Variants in CYRIA observed in about 807,000 individuals in gnomAD.
The protein encoded by CYRIA is CYFIP-related Rac1 interactor A.
In CYRIA, 15 loss-of-function variants were observed where a neutral mutation model predicts 43.9. That is an observed-to-expected ratio of 0.34 (90% confidence interval 0.23 to 0.53). The LOEUF (loss-of-function observed/expected upper bound fraction) is 0.53, where lower values mean the gene tolerates loss of function less well. Among genes scored for constraint, CYRIA ranks in the 20% least tolerant of loss-of-function variants. The pLI is 0.94. For synonymous variants in CYRIA, 117 were observed against 136.0 expected, an observed-to-expected ratio of 0.86 and a Z score of 0.97; for missense variants, 236 against 394.2, an observed-to-expected ratio of 0.60 and a Z score of 3.40.
At chr2:16,591,001 G>C (rs74370919) in intron 2 of CYRIA, among the ~76,000 whole-genome samples, 3,892 of 152,106 alleles carry the variant, frequency 0.026, 189 homozygotes, top group African/African-American at 0.089. Flanking sequence ...ATTGGACCCA[G>C]AGTTTCACTT....
At chr2:16,572,688 A>ATTTGATTTGATTTGATT (rs1667179499) in intron 3 of CYRIA, among the ~76,000 whole-genome samples, 1 of 152,196 alleles carries the variant, frequency 6.6e-6, no homozygotes, top group Admixed American at 6.5e-5. Context: ...TAAGAGTACA[A>ATTTGATTTGATTTGATT]TGATTTGAAG....
At chr2:16,579,398 T>A (rs1305965887) in intron 3 of CYRIA, among the ~76,000 whole-genome samples, 1 of 148,488 alleles carries the variant, frequency 6.7e-6, no homozygotes, top group Non-Finnish European at 1.5e-5. Flanking sequence ...TATGAAGGCC[T>A]TATTAAAATC....
In CYRIA at chr2:16,549,695, G is replaced by A. The variant is rs184335153; in HGVS notation, c.*3241C>T. On this transcript the variant is annotated 3_prime_UTR_variant, in exon 12 of 12. Coordinates refer to ENST00000381323, the MANE Select transcript of CYRIA (RefSeq NM_030797.4). ...TATTACTAACATTTAAAAAATATTT[G>A]TAGCTGCATAGGATACAAGATTGAA... 3.3e-5 allele frequency: 5 copies of A among 152,178 alleles called. No homozygotes were observed. In the East Asian group the frequency reaches 7.7e-4, roughly 24 times the overall value. 9.4% of individuals were successfully genotyped at this position (152,178 alleles called of 1,614,324 possible). A position where few individuals can be genotyped will look rare whatever the true frequency, so the allele number is the denominator to read the frequency against.
chr2:16,640,774 C>A (rs1669653922), intron 1 of CYRIA, among the ~76,000 whole-genome samples: 1 of 152,154 alleles, frequency 6.6e-6, no homozygotes, highest in Admixed American at 6.5e-5. Context: ...GGTAGAGAGT[C>A]CTGAAATGCA....
chr2:16,642,489 G>A (rs534595251), intron 1 of CYRIA, among the ~76,000 whole-genome samples: 1 of 152,036 alleles, frequency 6.6e-6, no homozygotes, highest in South Asian at 2.1e-4. Flanking sequence ...TCAAGAACAC[G>A]CTGCCGCCAG....
intron 2 of CYRIA, among the ~76,000 whole-genome samples, chr2:16,608,817 G>A (rs1364064727): frequency 2.0e-5 from 3 of 152,182 alleles, no homozygotes; most frequent in Non-Finnish European, 4.4e-5. Flanking sequence ...AATAAATCCT[G>A]CACTGTTGCT....
chr2:16,636,435 A>T (rs1333079392), intron 1 of CYRIA, among the ~76,000 whole-genome samples: 1 of 152,150 alleles, frequency 6.6e-6, no homozygotes, highest in African/African-American at 2.4e-5. Context: ...AGATGCACTG[A>T]ATGCCAGAGC....
chr2:16,617,139 C>T (rs1342575783), intron 2 of CYRIA, among the ~76,000 whole-genome samples: 1 of 152,204 alleles, frequency 6.6e-6, no homozygotes. Context: ...CCCCTTCTTC[C>T]TTGATTTGCA....
chr2:16,554,958 T>C (rs1666453699), intron 11 of CYRIA, 111 bp downstream of exon 11: 4 of 660,980 alleles, frequency 6.1e-6, no homozygotes, highest in Admixed American at 5.8e-5. Context: ...AGATTCAATG[T>C]GTTAAAATAT....
intron 3 of CYRIA, among the ~76,000 whole-genome samples, chr2:16,578,540 G>A (rs1382935640): frequency 6.6e-6 from 1 of 152,128 alleles, no homozygotes; most frequent in Non-Finnish European, 1.5e-5. Context: ...AAAATCCTTT[G>A]AGACTATTTA....
At chr2:16,640,642 C>G (rs912104404) in intron 1 of CYRIA, among the ~76,000 whole-genome samples, 1 of 152,160 alleles carries the variant, frequency 6.6e-6, no homozygotes. Context: ...GCTGCTTTTG[C>G]TCAAAATTAC....
At chr2:16,653,680 C>T (rs557703302) in intron 1 of CYRIA, among the ~76,000 whole-genome samples, 2 of 152,248 alleles carry the variant, frequency 1.3e-5, no homozygotes, top group South Asian at 2.1e-4. Context: ...ATTGTAGGTG[C>T]TCAATAAGTA....
rs2103546955 is a variant in CYRIA, at chr2:16,650,286, C to T, written c.-167+15494G>A. ...TATGTCAATTTTATGGATGACATCC[C>T]TAAGACGTAAGAGTGGTTAAGCAAT... is the stretch of plus-strand genomic sequence containing the variant. On this transcript the variant is annotated intron_variant, in intron 1 of 11. Coordinates refer to ENST00000381323, the MANE Select transcript of CYRIA (RefSeq NM_030797.4). The surrounding 1 kb of genome is among the most constrained non-coding windows in gnomAD (Gnocchi z 4.1). 6.6e-6 allele frequency among the ~76,000 whole-genome samples: 1 copy of T among 152,248 alleles called. No homozygotes were observed. The highest frequency in any genetic ancestry group is 2.4e-5 in the African/African-American group (1 of 41,546).
chr2:16,617,234 G>T (rs1262767094), intron 2 of CYRIA, among the ~76,000 whole-genome samples: 1 of 152,180 alleles, frequency 6.6e-6, no homozygotes, highest in Non-Finnish European at 1.5e-5. Flanking sequence ...ATGACCAAGT[G>T]GGGTCCTTAG....
Position 16,623,986 on chromosome 2 carries a change from G to A in CYRIA, c.-133C>T, listed in dbSNP as rs1293488293. On this transcript the variant is annotated 5_prime_UTR_variant, in exon 2 of 12. Coordinates refer to ENST00000381323, the MANE Select transcript of CYRIA (RefSeq NM_030797.4). ...CAGGACGGTGGCCTCCTAGAGTCCT[G>A]TAGCTTTTCTGTCCTTAAGATGGTG... is the stretch of plus-strand genomic sequence containing the variant. 1 of 152,208 alleles carries A rather than the reference G, an allele frequency of 6.6e-6. No homozygotes were observed. Among genetic ancestry groups the A allele is most frequent in the South Asian group, 2.1e-4 (1 of 4,832 alleles). 9.4% of individuals were successfully genotyped at this position (152,208 alleles called of 1,614,324 possible).
At chr2:16,565,920 G>C (rs1275181708) in intron 3 of CYRIA, among the ~76,000 whole-genome samples, 153 bp from the exon 4 acceptor site, 1 of 152,170 alleles carries the variant, frequency 6.6e-6, no homozygotes, top group Non-Finnish European at 1.5e-5. Context: ...AGGATGCTAG[G>C]AAGGGAAAAC....
rs141060470 is a variant in CYRIA at position 16,645,899 on chromosome 2, TG to T, written c.-167+19880del. Among the ~76,000 whole-genome samples, 28 of 152,348 alleles carry T rather than the reference TG, an allele frequency of 1.8e-4. No homozygotes were observed. In the East Asian group the frequency reaches 5.0e-3, roughly 27 times the overall value. The stretch of plus-strand genomic sequence containing the variant: ...ACACGAAAAAGACCCTGTCCCCAGA[TG>T]ATTTATTATCTAATTGGGAAAAGAT... On this transcript the variant is annotated intron_variant, in intron 1 of 11. Transcript: ENST00000381323.
At position 16,602,164 on chromosome 2, in the gene CYRIA, A is replaced by T. The variant is rs1286620483; in HGVS notation, c.-10-14035T>A. ...AGGGTTTATTTTCTAACATTTTTTT[A>T]AAATCTAAGACAATAATACTCATCT... On this transcript the variant is annotated intron_variant, in intron 2 of 11. Transcript: ENST00000381323. Among the ~76,000 whole-genome samples the T allele has an allele frequency of 2.6e-5, 4 of 152,344 alleles. No homozygotes were observed. In the East Asian group the frequency reaches 7.7e-4, roughly 29 times the overall value.
chr2:16,648,737 T>C (rs10178500), intron 1 of CYRIA, among the ~76,000 whole-genome samples: 4,981 of 152,244 alleles, frequency 0.033, 272 homozygotes, highest in African/African-American at 0.11. Flanking sequence ...ACAACTAGTA[T>C]GTACTGAATA....
Sources: allele counts gnomAD v4.1 joint callset (sites outside exome capture counted in the v4.1 genomes callset), GRCh38; gene constraint gnomAD v4.1.1; non-coding constraint Gnocchi (gnomAD v3.1); transcripts MANE v1.5; gene names NCBI Gene and HGNC (gene_info 2026-07-23, HGNC 2026-07-21).